Variants in CD99 observed in about 807,000 individuals in gnomAD.
CD99 encodes CD99 molecule (Xg blood group).
A neutral mutation model predicts 28.4 loss-of-function variants in CD99; 19 were observed. The ratio of observed to expected loss-of-function variants is 0.67; its 90% confidence interval spans 0.47 to 0.98. The LOEUF is 0.98. CD99 is among the 50% of genes least tolerant of loss of function. CD99 has a pLI of 0.00. For synonymous variants in CD99, 103 were observed against 92.1 expected, an observed-to-expected ratio of 1.12 and a Z score of -0.67; for missense variants, 283 against 248.8, an observed-to-expected ratio of 1.14 and a Z score of -0.92.
At chrX:2,720,561 G>T in intron 5 of CD99, 137 bp downstream of exon 5, 19 of 503,488 alleles carry the variant, frequency 3.8e-5, no homozygotes, top group Non-Finnish European at 5.8e-5. Flanking sequence ...CCATGTTCAT[G>T]TAATGGAAAA....
intron 1 of CD99, among the ~76,000 whole-genome samples, chrX:2,713,242 C>T (rs1265914198): frequency 6.6e-6 from 1 of 151,762 alleles, no homozygotes; most frequent in Non-Finnish European, 1.5e-5. Context: ...AGAAACACAC[C>T]TACACACTGT....
rs376690610 is a variant in CD99, at chrX:2,741,039, G to A, written c.*235G>A. 7.1e-6 allele frequency: 4 copies of A among 563,912 alleles called. No individual in the cohort carries two copies. The highest frequency in any genetic ancestry group is 5.9e-5 in the East Asian group (2 of 34,112). The allele number at this position is 563,912 out of a possible 1,614,324, so 34.9% of individuals were successfully genotyped here. A position where few individuals can be genotyped will look rare whatever the true frequency, so the allele number is the denominator to read the frequency against. ...CTTGGACCCCCATTCTCCAAGGCCCGGGGGGGCGGTTTCCCATGGGATGTG... is the reference window on the plus strand; with the variant it reads ...CTTGGACCCCCATTCTCCAAGGCCCAGGGGGGCGGTTTCCCATGGGATGTG... On this transcript the variant is annotated 3_prime_UTR_variant, in exon 10 of 10. Coordinates refer to ENST00000381192, the MANE Select transcript of CD99 (RefSeq NM_002414.5).
At chrX:2,728,200 CTTTTTTTTTTTTT>C (rs892410632) in intron 8 of CD99, among the ~76,000 whole-genome samples, 1 of 107,002 alleles carries the variant, frequency 9.3e-6, no homozygotes, top group East Asian at 2.3e-4. Context: ...TTGGTTGTTT[CTTTTTTTTTTTTT>C]TTTTTTTTTG....
chrX:2,708,986 C>G (rs773481968), intron 1 of CD99, among the ~76,000 whole-genome samples: 1 of 152,110 alleles, frequency 6.6e-6, no homozygotes. Flanking sequence ...TCACTGTGGC[C>G]TCTGAGGGCA....
intron 1 of CD99, among the ~76,000 whole-genome samples, chrX:2,706,797 G>A (rs1461313026): frequency 3.3e-5 from 5 of 151,968 alleles, no homozygotes; most frequent in Non-Finnish European, 5.9e-5. Context: ...CAGGAATCTT[G>A]GAACTGCCTA....
intron 8 of CD99, among the ~76,000 whole-genome samples, chrX:2,730,036 C>T (rs964066421): frequency 1.3e-5 from 2 of 152,136 alleles, no homozygotes; most frequent in African/African-American, 4.8e-5. Context: ...TGCCTGTGGT[C>T]CCAACTACTC....
chrX:2,719,910 T>C (rs1480930027), intron 4 of CD99, among the ~76,000 whole-genome samples: 1 of 152,100 alleles, frequency 6.6e-6, no homozygotes, highest in Non-Finnish European at 1.5e-5. Flanking sequence ...ATTTTAAAAC[T>C]CTTACAGTCT....
rs934429993 is a variant in CD99 at position 2,726,268 on chromosome X, C to G, written c.370C>G (p.Pro124Ala). ...HRKEGEEADAPGVIPGIVGAV... is the reference protein window; with the variant it reads ...HRKEGEEADAAGVIPGIVGAV... ...TGTGCTTCCTCCTGCAGCCGACGCC[C>G]CAGGCGTGATCCCCGGGATTGTGGG... The change falls in exon 8 of 10, where the codon CCA (proline) becomes GCA (alanine). Residue 124 changes from proline to alanine, a missense_variant. Pro to Ala is a conservative substitution (Grantham distance 27, BLOSUM62 -1). Coordinates refer to ENST00000381192, the MANE Select transcript of CD99 (RefSeq NM_002414.5). 2.5e-6 allele frequency: 4 copies of G among 1,608,038 alleles called. No individual in the cohort carries two copies. In the African/African-American group the frequency reaches 5.4e-5, roughly 22 times the overall value.
At position 2,699,467 on chromosome X, in the gene CD99, C is replaced by CTT. The variant is rs749766023; in HGVS notation, c.67+8059_67+8060dup. Among the ~76,000 whole-genome samples, 895 of 120,840 alleles carry CTT rather than the reference C, an allele frequency of 7.4e-3. 24 individuals carry two copies. The highest frequency in any genetic ancestry group is 0.025 in the African/African-American group (786 of 31,156). The allele number at this position is 120,840 out of a possible 152,430, so 79.3% of individuals were successfully genotyped here. A position where few individuals can be genotyped will look rare whatever the true frequency, so the allele number is the denominator to read the frequency against. On this transcript the variant is annotated intron_variant, in intron 1 of 9. Coordinates refer to ENST00000381192, the MANE Select transcript of CD99 (RefSeq NM_002414.5). ...ACAGGTGTGAGCCACCGCGCCCAGCCTTTTTTTTTTTTTTTTTTTTAAATT... is the reference window on the plus strand; with the variant it reads ...ACAGGTGTGAGCCACCGCGCCCAGCCTTTTTTTTTTTTTTTTTTTTTTAAATT...
chrX:2,738,025 C>T (rs775044513), intron 8 of CD99, 175 bp from the exon 9 acceptor site: 17 of 738,032 alleles, frequency 2.3e-5, no homozygotes, highest in Non-Finnish European at 4.3e-5. Flanking sequence ...AAAGTCTTCA[C>T]TTACATGAGT....
intron 9 of CD99, among the ~76,000 whole-genome samples, chrX:2,738,638 C>T (rs1359355110): frequency 6.6e-6 from 1 of 151,676 alleles, no homozygotes; most frequent in Non-Finnish European, 1.5e-5. Context: ...GGCAAGAGAA[C>T]TGCTTGAACC....
At chrX:2,731,411 G>A (rs1167045923) in intron 8 of CD99, among the ~76,000 whole-genome samples, 2 of 152,160 alleles carry the variant, frequency 1.3e-5, no homozygotes, top group Non-Finnish European at 2.9e-5. Context: ...CCAACATGGT[G>A]AAACCCTGGC....
chrX:2,696,856 G>A (rs907837435), intron 1 of CD99, among the ~76,000 whole-genome samples: 1 of 152,126 alleles, frequency 6.6e-6, no homozygotes, highest in Non-Finnish European at 1.5e-5. Context: ...AGGAGATGGT[G>A]CATGGGTGTG....
chrX:2,720,358 GACCCACGACCACCGA>G lies in CD99; in HGVS notation c.203_217del (p.Arg68_Pro72del). On this transcript the variant is annotated inframe_deletion, in exon 5 of 10. Transcript: ENST00000381192. ...CAACTCTCATCTTTCACAAACAGACGACCCACGACCACCGAACCCACCCAAACCGATGCCAAATCC... is the reference window on the plus strand; with the variant it reads ...CAACTCTCATCTTTCACAAACAGACGACCCACCCAAACCGATGCCAAATCC... 6.2e-7 allele frequency: 1 copy of G among 1,613,364 alleles called. No homozygotes were observed. Among genetic ancestry groups the G allele is most frequent in the Non-Finnish European group, 8.5e-7 (1 of 1,179,750 alleles).
chrX:2,712,976 ACACACACAAACCCACAAATG>A (rs1281428744), intron 1 of CD99, among the ~76,000 whole-genome samples: 3 of 143,270 alleles, frequency 2.1e-5, no homozygotes, highest in Non-Finnish European at 3.0e-5. Context: ...ACCTACACAT[ACACACACAAACCCACAAATG>A]CACACACCCA....
At chrX:2,726,406 T>C (rs769789167) in intron 8 of CD99, 33 bp downstream of exon 8, 11 of 1,328,940 alleles carry the variant, frequency 8.3e-6, no homozygotes, top group Middle Eastern at 2.2e-4. Flanking sequence ...CTCTCCTTCA[T>C]GCCTTGCTGA....
intron 8 of CD99, among the ~76,000 whole-genome samples, chrX:2,735,653 A>G (rs2049893655): frequency 6.6e-6 from 1 of 152,198 alleles, no homozygotes; most frequent in Admixed American, 6.5e-5. Flanking sequence ...GCAGGTTTTC[A>G]ATTTCTAGCC....
chrX:2,703,813 G>A (rs984540024), intron 1 of CD99, among the ~76,000 whole-genome samples: 4 of 152,096 alleles, frequency 2.6e-5, no homozygotes, highest in Admixed American at 1.3e-4. Flanking sequence ...TGGAAAAAGT[G>A]CTGAGGCCCC....
chrX:2,739,804 G>A (rs1255052487), intron 9 of CD99, among the ~76,000 whole-genome samples: 4 of 150,904 alleles, frequency 2.7e-5, no homozygotes, highest in East Asian at 2.0e-4. Flanking sequence ...CGCCAGACGC[G>A]GTGGCTAATG....
Sources: gnomAD v4.1 joint callset for allele counts (sites outside exome capture counted in the v4.1 genomes callset) on GRCh38, gnomAD v4.1.1 for gene constraint, MANE v1.5 for transcripts, NCBI Gene and HGNC (gene_info 2026-07-23, HGNC 2026-07-21) for gene names.